INSL6: variants seen among roughly 807,000 people sequenced by gnomAD.
INSL6 encodes insulin like 6.
A neutral mutation model predicts 9.4 loss-of-function variants in INSL6; 16 were observed. That is an observed-to-expected ratio of 1.70 (90% CI 1.15 to 2.59). The LOEUF (loss-of-function observed/expected upper bound fraction) is 2.59, where lower values mean the gene tolerates loss of function less well. INSL6 is among the 30% of genes most tolerant of loss of function. INSL6 has a pLI of 0.00. For synonymous variants in INSL6, 154 were observed against 96.9 expected (o/e 1.59, Z -3.46); for missense variants, 391 against 257.3 (o/e 1.52, Z -3.56).
chr9:5,174,051 T>C (rs1586876972), intron 1 of INSL6, among the ~76,000 whole-genome samples: 1 of 152,366 alleles, frequency 6.6e-6, no homozygotes, highest in East Asian at 1.9e-4. Context: ...AAAGCCAATT[T>C]CTGCACTTAC....
At chr9:5,145,983 T>C (rs1824594992) in intron 2 of INSL6, among the ~76,000 whole-genome samples, 1 of 152,178 alleles carries the variant, frequency 6.6e-6, no homozygotes, top group East Asian at 1.9e-4. Context: ...TCCTTAACTC[T>C]TGCTGGAGAA....
At chr9:5,174,384 G>A (rs1445709751) in intron 1 of INSL6, among the ~76,000 whole-genome samples, 1 of 152,122 alleles carries the variant, frequency 6.6e-6, no homozygotes, top group African/African-American at 2.4e-5. Context: ...CTTCTCTTAT[G>A]AAGGTCACAA....
At chr9:5,179,473 G>C (rs947177411) in intron 1 of INSL6, among the ~76,000 whole-genome samples, 9 of 151,434 alleles carry the variant, frequency 5.9e-5, no homozygotes, top group African/African-American at 2.2e-4. Flanking sequence ...AATACCATTT[G>C]ACCCAGCAAT....
the INSL6 span, among the ~76,000 whole-genome samples, chr9:5,056,642 T>C: frequency 6.6e-6 from 1 of 152,150 alleles, no homozygotes; most frequent in African/African-American, 2.4e-5. Context: ...TTGTACCCCC[T>C]ACACCTTGCA....
the INSL6 span, among the ~76,000 whole-genome samples, chr9:5,033,492 A>C: frequency 6.6e-6 from 1 of 152,204 alleles, no homozygotes; most frequent in Non-Finnish European, 1.5e-5. Context: ...GCCAGAGAGA[A>C]AGGTTGGGTA....
At chr9:5,133,811 G>T (rs568363583) in intron 2 of INSL6, among the ~76,000 whole-genome samples, 2 of 151,876 alleles carry the variant, frequency 1.3e-5, no homozygotes, top group South Asian at 2.1e-4. Context: ...ACAACTCCTC[G>T]CTAGCAAGGG....
chr9:5,103,457 C>G, the INSL6 span, among the ~76,000 whole-genome samples: 3 of 151,822 alleles, frequency 2.0e-5, no homozygotes, highest in African/African-American at 4.8e-5. Flanking sequence ...CTTAGACTCC[C>G]ACACAATAAT....
At chr9:5,173,776 T>TA (rs200177613) in intron 1 of INSL6, among the ~76,000 whole-genome samples, 3,617 of 141,398 alleles carry the variant, frequency 0.026, 93 homozygotes, top group African/African-American at 0.077. Context: ...AAAATAAAAT[T>TA]AAAAAAAAAA....
the INSL6 span, chr9:5,041,823 C>T: frequency 2.1e-6 from 1 of 482,390 alleles, no homozygotes; most frequent in Non-Finnish European, 4.1e-6. Context: ...AAACCAGGCG[C>T]TGAACTCCAC....
At chr9:5,090,673 G>C in the INSL6 span, 25 of 1,531,392 alleles carry the variant, frequency 1.6e-5, 1 homozygote, top group South Asian at 7.7e-5. Context: ...GGAATATATA[G>C]GGTTAAGACC....
the INSL6 span, chr9:5,096,583 G>C: frequency 6.6e-6 from 1 of 152,070 alleles, no homozygotes; most frequent in African/African-American, 2.4e-5. Context: ...AATTACCTCA[G>C]GGCTGGTAAA....
the INSL6 span, among the ~76,000 whole-genome samples, chr9:5,068,447 G>A: frequency 1.3e-5 from 2 of 152,218 alleles, no homozygotes; most frequent in African/African-American, 2.4e-5. Flanking sequence ...GCAAAGAGGT[G>A]AGCATTAGAG....
chr9:5,073,623 T>A, the INSL6 span: 1 of 1,071,404 alleles, frequency 9.3e-7, no homozygotes, highest in Non-Finnish European at 1.4e-6. Flanking sequence ...ATCTTTATTA[T>A]GGCAGAGAGA....
chr9:5,069,921 T>G, the INSL6 span: 1 of 1,579,326 alleles, frequency 6.3e-7, no homozygotes, highest in Admixed American at 1.7e-5. Flanking sequence ...TTTTATTTTT[T>G]CAGATAAATC....
At chr9:5,083,802 A>G in the INSL6 span, among the ~76,000 whole-genome samples, 8 of 152,190 alleles carry the variant, frequency 5.3e-5, no homozygotes, top group African/African-American at 1.9e-4. Flanking sequence ...CTAGTTATGA[A>G]AGTGATATAC....
chr9:4,992,224 T>C, the INSL6 span, among the ~76,000 whole-genome samples: 12 of 152,328 alleles, frequency 7.9e-5, no homozygotes, highest in African/African-American at 2.9e-4. Flanking sequence ...AACTGGAGCA[T>C]GTACATGTGG....
At chr9:5,045,229 C>T in the INSL6 span, among the ~76,000 whole-genome samples, 1 of 152,062 alleles carries the variant, frequency 6.6e-6, no homozygotes, top group South Asian at 2.1e-4. Flanking sequence ...CACTTGGTAT[C>T]CCCAAGGTAT....
intron 1 of INSL6, among the ~76,000 whole-genome samples, chr9:5,180,279 T>C (rs1255370300): frequency 6.6e-6 from 1 of 152,170 alleles, no homozygotes; most frequent in Non-Finnish European, 1.5e-5. Context: ...TACAAATTGA[T>C]TGTAAAACGT....
At chr9:5,020,529 A>G in the INSL6 span, among the ~76,000 whole-genome samples, 146,408 of 152,218 alleles carry the variant, frequency 0.96, 70,456 homozygotes, top group East Asian at 1. Context: ...GGGAGGGTGC[A>G]GTTGCTGTCA....
Sources: gnomAD v4.1 joint callset for allele counts (sites outside exome capture counted in the v4.1 genomes callset) on GRCh38, gnomAD v4.1.1 for gene constraint, MANE v1.5 for transcripts, NCBI Gene and HGNC (gene_info 2026-07-23, HGNC 2026-07-21) for gene names.